The following RBL1 variants were observed in gnomAD, a reference collection of about 807,000 sequenced individuals.
RBL1 encodes the protein retinoblastoma-like protein 1.
A neutral mutation model predicts 123.0 loss-of-function variants in RBL1; 82 were observed. The observed-to-expected ratio is 0.67, with a 90% CI of 0.56 to 0.80. The LOEUF is 0.80. Among genes scored for constraint, RBL1 ranks in the 30% least tolerant of loss-of-function variants. RBL1 has a pLI of 0.00. For synonymous variants in RBL1, 405 were observed against 441.3 expected, an observed-to-expected ratio of 0.92 and a Z score of 1.03; for missense variants, 1,171 against 1,299.6, an observed-to-expected ratio of 0.90 and a Z score of 1.52.
chr20:37,053,935 A>G (rs2064961342), intron 11 of RBL1, among the ~76,000 whole-genome samples: 1 of 152,168 alleles, frequency 6.6e-6, no homozygotes, highest in Non-Finnish European at 1.5e-5. Flanking sequence ...GAGTAAGTGT[A>G]ACTAACTATA....
chr20:37,064,521 ATTGC>A (rs1200346684), intron 7 of RBL1, among the ~76,000 whole-genome samples: 1 of 152,068 alleles, frequency 6.6e-6, no homozygotes, highest in Non-Finnish European at 1.5e-5. Flanking sequence ...TGGTGAGAGG[ATTGC>A]TTGAGGCCAG....
intron 18 of RBL1, among the ~76,000 whole-genome samples, chr20:37,019,016 T>C (rs1490230819): frequency 6.6e-6 from 1 of 151,946 alleles, no homozygotes; most frequent in African/African-American, 2.4e-5. Context: ...TTCTTCTTAA[T>C]TCCTTACACA....
At chr20:37,037,172 C>G (rs759404883) in intron 14 of RBL1, among the ~76,000 whole-genome samples, 1 of 152,148 alleles carries the variant, frequency 6.6e-6, no homozygotes, top group Non-Finnish European at 1.5e-5. Flanking sequence ...AAGAAATCCA[C>G]GCAAGCCCTT....
intron 19 of RBL1, among the ~76,000 whole-genome samples, chr20:37,010,024 C>A (rs2064126873): frequency 6.9e-6 from 1 of 145,810 alleles, no homozygotes; most frequent in South Asian, 2.2e-4. Flanking sequence ...GATCTCATCT[C>A]TAAAATTAAA....
At chr20:37,031,363 CATAATT>C (rs755935915) in intron 16 of RBL1, among the ~76,000 whole-genome samples, 4 of 151,744 alleles carry the variant, frequency 2.6e-5, no homozygotes, top group Non-Finnish European at 5.9e-5. Flanking sequence ...ACCCAAAACT[CATAATT>C]AAAAAAATGG....
intron 9 of RBL1, among the ~76,000 whole-genome samples, chr20:37,057,250 A>G (rs1480660429): frequency 6.6e-6 from 1 of 152,110 alleles, no homozygotes; most frequent in East Asian, 1.9e-4. Flanking sequence ...TGGTAGTTCT[A>G]TTTTTAATTT....
chr20:37,047,190 C>A lies in RBL1; in HGVS notation c.1468G>T (p.Val490Phe). The A allele has an allele frequency of 6.3e-7, 1 of 1,580,864 alleles. No individual in the cohort carries two copies. The highest frequency in any genetic ancestry group is 8.5e-7 in the Non-Finnish European group (1 of 1,172,398). Reference protein sequence around the residue: ...TRRLHGMDMSVLLEQDIFHRS... With the variant: ...TRRLHGMDMSFLLEQDIFHRS... ...TGAAATATATCTTGCTCTAAAAGAA[C>A]CTGGGGGAAGAGAAAGACCACAGTT... Residue 490 changes from valine to phenylalanine, a missense_variant and splice_region_variant, in exon 12 of 22, where the codon GTT becomes TTT. Val to Phe is a conservative substitution (Grantham distance 50). Transcript: ENST00000373664.
chr20:37,004,819 G>A (rs542817059), intron 20 of RBL1, among the ~76,000 whole-genome samples: 1 of 151,968 alleles, frequency 6.6e-6, no homozygotes, highest in Admixed American at 6.6e-5. Flanking sequence ...CTTGAGGCCA[G>A]GAATTGGAGA....
chr20:37,093,790 C>T (rs951772162), intron 1 of RBL1, among the ~76,000 whole-genome samples: 21 of 151,828 alleles, frequency 1.4e-4, no homozygotes, highest in African/African-American at 5.1e-4. Flanking sequence ...TACAAGTGCA[C>T]GTCACCATGC....
At chr20:37,001,165 G>A (rs1411497921) in intron 21 of RBL1, among the ~76,000 whole-genome samples, 1 of 150,162 alleles carries the variant, frequency 6.7e-6, no homozygotes, top group East Asian at 2.0e-4. Context: ...CCGTCCGGGA[G>A]GTGAGGGGCG....
At chr20:37,064,811 T>C (rs564178213) in intron 7 of RBL1, among the ~76,000 whole-genome samples, 6 of 152,182 alleles carry the variant, frequency 3.9e-5, no homozygotes, top group Admixed American at 3.9e-4. Context: ...GGTTTCACCA[T>C]GTTGGCCAGG....
chr20:37,074,358 G>A (rs974638943), intron 2 of RBL1, among the ~76,000 whole-genome samples: 2 of 149,838 alleles, frequency 1.3e-5, no homozygotes, highest in Non-Finnish European at 3.0e-5. Context: ...AGAGTGCAGT[G>A]AGCCATGATT....
At chr20:37,070,231 C>T (rs1005894301) in intron 2 of RBL1, among the ~76,000 whole-genome samples, 26 of 152,088 alleles carry the variant, frequency 1.7e-4, no homozygotes, top group Non-Finnish European at 1.0e-4. Flanking sequence ...GGATTAAGGG[C>T]GGTGCAAGAT....
In RBL1 at chr20:36,996,885, T is replaced by C. The variant is rs1306793569; in HGVS notation, c.*1874A>G. The C allele has an allele frequency of 1.3e-5, 2 of 152,142 alleles. No individual in the cohort carries two copies. The highest frequency in any genetic ancestry group is 2.9e-5 in the Non-Finnish European group (2 of 68,016). The allele number at this position is 152,142 out of a possible 1,614,324, so 9.4% of individuals were successfully genotyped here. Reference sequence around the variant, plus strand: ...TTGGCTTATAACAATGTGTAGATACTACACAAAGAATGAGGATGTAATTTT... The same window carrying C: ...TTGGCTTATAACAATGTGTAGATACCACACAAAGAATGAGGATGTAATTTT... On this transcript the variant is annotated 3_prime_UTR_variant, in exon 22 of 22. Coordinates refer to ENST00000373664, the MANE Select transcript of RBL1 (RefSeq NM_002895.5).
At chr20:37,095,341 C>T (rs945413118) in intron 1 of RBL1, among the ~76,000 whole-genome samples, 3 of 152,158 alleles carry the variant, frequency 2.0e-5, no homozygotes, top group African/African-American at 4.8e-5. Flanking sequence ...TCTAGGGCTC[C>T]GCTTCCTCTT....
At chr20:36,999,812 G>GGA (rs1413492209) in intron 21 of RBL1, among the ~76,000 whole-genome samples, 1 of 152,358 alleles carries the variant, frequency 6.6e-6, no homozygotes, top group Admixed American at 6.5e-5. Context: ...TGCCCAGGCT[G>GGA]GAGTGCAGTG....
intron 16 of RBL1, among the ~76,000 whole-genome samples, chr20:37,024,019 A>T (rs6124553): frequency 2.0e-5 from 3 of 151,764 alleles, no homozygotes; most frequent in East Asian, 3.9e-4. Flanking sequence ...TCCTGAGCTC[A>T]GGTGATCTGC....
At chr20:37,035,207 AG>A (rs1401534352) in intron 15 of RBL1, 34 bp downstream of exon 15, 2 of 1,551,768 alleles carry the variant, frequency 1.3e-6, no homozygotes, top group African/African-American at 2.8e-5. Flanking sequence ...TTTTTATCTC[AG>A]AAAAAGTACA....
chr20:37,020,882 A>AT (rs1236761838), intron 17 of RBL1, 152 bp from the exon 18 acceptor site: 12 of 564,158 alleles, frequency 2.1e-5, no homozygotes, highest in South Asian at 1.7e-4. Context: ...AACATTTATG[A>AT]TTTTTTCTAC....
Sources: gnomAD v4.1 joint callset for allele counts (sites outside exome capture counted in the v4.1 genomes callset) on GRCh38, gnomAD v4.1.1 for gene constraint, MANE v1.5 for transcripts, NCBI Gene and HGNC (gene_info 2026-07-23, HGNC 2026-07-21) for gene names.